The following ARHGAP15 variants were observed in gnomAD, a reference collection of about 807,000 sequenced individuals.
ARHGAP15 encodes the protein Rho GTPase activating protein 15.
In ARHGAP15, 51 loss-of-function variants were observed where a neutral mutation model predicts 63.7. That is an observed-to-expected ratio of 0.80 (90% CI 0.64 to 1.01). ARHGAP15 has a LOEUF of 1.01. Ranked by LOEUF, ARHGAP15 falls within the 50% of genes least tolerant of loss-of-function variation. ARHGAP15 has a pLI of 0.00. For missense variants in ARHGAP15, 560 were observed against 564.6 expected, an observed-to-expected ratio of 0.99 and a Z score of 0.08; for synonymous variants, 191 against 193.8, an observed-to-expected ratio of 0.99 and a Z score of 0.12.
At chr2:143,333,316 C>T (rs188661872) in intron 6 of ARHGAP15, among the ~76,000 whole-genome samples, 1 of 152,100 alleles carries the variant, frequency 6.6e-6, no homozygotes, top group African/African-American at 2.4e-5. Flanking sequence ...GTGTTATTAC[C>T]ATATGAAGAT....
chr2:143,500,719 A>G (rs1204240028), intron 9 of ARHGAP15, among the ~76,000 whole-genome samples: 2 of 152,220 alleles, frequency 1.3e-5, no homozygotes, highest in Non-Finnish European at 2.9e-5. Context: ...TTCATGAAGC[A>G]TACAGCCGTT....
chr2:143,202,551 A>C (rs1425665351), intron 3 of ARHGAP15, among the ~76,000 whole-genome samples: 1 of 152,092 alleles, frequency 6.6e-6, no homozygotes, highest in Non-Finnish European at 1.5e-5. Context: ...CAAAGCATCC[A>C]AGATGAGAAG....
chr2:143,348,949 G>T (rs1176429696), intron 6 of ARHGAP15, among the ~76,000 whole-genome samples: 1 of 152,104 alleles, frequency 6.6e-6, no homozygotes. Flanking sequence ...TGATTATGAT[G>T]TTTATGTGGA....
chr2:143,315,068 C>T (rs1048846323), intron 6 of ARHGAP15, among the ~76,000 whole-genome samples: 2 of 152,076 alleles, frequency 1.3e-5, no homozygotes. Flanking sequence ...TTTTAGGGAG[C>T]CTATTTAATC....
intron 6 of ARHGAP15, among the ~76,000 whole-genome samples, chr2:143,431,586 A>G (rs957104152): frequency 6.6e-5 from 10 of 152,176 alleles, no homozygotes; most frequent in Admixed American, 1.3e-4. Context: ...GCCTGCAGTA[A>G]CTACTCCTTC....
intron 12 of ARHGAP15, among the ~76,000 whole-genome samples, chr2:143,674,323 A>G (rs1489517798): frequency 6.6e-6 from 1 of 152,200 alleles, no homozygotes; most frequent in African/African-American, 2.4e-5. Flanking sequence ...ATTGACTACA[A>G]TATGGATGAA....
intron 11 of ARHGAP15, among the ~76,000 whole-genome samples, chr2:143,619,757 G>A (rs1371356113): frequency 2.6e-5 from 4 of 152,154 alleles, no homozygotes; most frequent in East Asian, 3.8e-4. Context: ...CTGTTTAAAA[G>A]TGTATAGCAC....
intron 11 of ARHGAP15, among the ~76,000 whole-genome samples, chr2:143,615,633 A>T (rs1462625001): frequency 6.6e-6 from 1 of 152,206 alleles, no homozygotes; most frequent in Non-Finnish European, 1.5e-5. Context: ...TATAGGACTT[A>T]GTTTATTTCC....
intron 10 of ARHGAP15, among the ~76,000 whole-genome samples, chr2:143,548,820 AT>A (rs11302057): frequency 0.29 from 43,903 of 151,860 alleles, 7,024 homozygotes; most frequent in African/African-American, 0.44. Flanking sequence ...TGAAGCAAGC[AT>A]TTCATAGCAG....
chr2:143,463,776 A>G (rs1057360502), intron 8 of ARHGAP15, among the ~76,000 whole-genome samples: 1 of 152,122 alleles, frequency 6.6e-6, no homozygotes, highest in Admixed American at 6.6e-5. Flanking sequence ...AGAGACTTTA[A>G]TTTCCTCTAA....
Position 143,756,243 on chromosome 2 carries a change from G to A in ARHGAP15, c.1245-11746G>A, listed in dbSNP as rs183163633. Among the ~76,000 whole-genome samples, 23 of 152,202 alleles carry A rather than the reference G, an allele frequency of 1.5e-4. No individual in the cohort carries two copies. The East Asian group carries it at 1.5e-3, about 10-fold the overall frequency. ...AATATTCCTTTTATGTTTATCTAAC[G>A]TCACAAGGCAAATATTTAAGTACTA... On this transcript the variant is annotated intron_variant, in intron 13 of 13. Transcript: ENST00000295095.
intron 10 of ARHGAP15, among the ~76,000 whole-genome samples, chr2:143,529,589 G>C (rs995199970): frequency 1.8e-4 from 27 of 152,188 alleles, no homozygotes; most frequent in African/African-American, 6.0e-4. Context: ...TCTGTCTACT[G>C]TTCAGCTTCA....
At chr2:143,751,835 G>T (rs550010177) in intron 13 of ARHGAP15, among the ~76,000 whole-genome samples, 17 of 152,234 alleles carry the variant, frequency 1.1e-4, no homozygotes, top group Admixed American at 2.0e-4. Flanking sequence ...TGTCCCCCTG[G>T]TGTAACAGCA....
At chr2:143,440,269 T>G (rs1282074961) in intron 8 of ARHGAP15, among the ~76,000 whole-genome samples, 5 of 152,226 alleles carry the variant, frequency 3.3e-5, no homozygotes, top group Non-Finnish European at 7.3e-5. Flanking sequence ...AAATACCCTG[T>G]GTGAAACCCC....
intron 8 of ARHGAP15, among the ~76,000 whole-genome samples, chr2:143,446,242 C>G (rs148829384): frequency 6.6e-6 from 1 of 151,074 alleles, no homozygotes; most frequent in Non-Finnish European, 1.5e-5. Flanking sequence ...TATAGTGGAT[C>G]TAAAATATAT....
chr2:143,746,267 AT>A (rs1374212242), intron 13 of ARHGAP15, among the ~76,000 whole-genome samples: 3 of 150,294 alleles, frequency 2.0e-5, no homozygotes, highest in African/African-American at 7.3e-5. Context: ...CACAGATGAT[AT>A]TTTGCACTTA....
chr2:143,540,222 C>G (rs995789644), intron 10 of ARHGAP15, among the ~76,000 whole-genome samples: 39 of 151,804 alleles, frequency 2.6e-4, no homozygotes, highest in African/African-American at 9.4e-4. Context: ...TTTTTGTTTT[C>G]CATTTGCTTG....
At chr2:143,339,494 T>G (rs549456915) in intron 6 of ARHGAP15, among the ~76,000 whole-genome samples, 38 of 152,220 alleles carry the variant, frequency 2.5e-4, no homozygotes, top group Middle Eastern at 3.4e-3. Flanking sequence ...CAAGCAAACC[T>G]ACAAAAAGAG....
At chr2:143,444,476 A>G (rs1350396724) in intron 8 of ARHGAP15, among the ~76,000 whole-genome samples, 1 of 152,248 alleles carries the variant, frequency 6.6e-6, no homozygotes, top group Non-Finnish European at 1.5e-5. Flanking sequence ...AGGTGTTTGT[A>G]CAGTGAATCC....
Sources: allele counts gnomAD v4.1 joint callset (sites outside exome capture counted in the v4.1 genomes callset), GRCh38; gene constraint gnomAD v4.1.1; transcripts MANE v1.5; gene names NCBI Gene and HGNC (gene_info 2026-07-23, HGNC 2026-07-21).